Variants in KLF11 observed in about 807,000 individuals in gnomAD.
The protein encoded by KLF11 is KLF transcription factor 11, also known as Krueppel-like factor 11.
KLF11 carries 26 observed loss-of-function variants against 29.9 expected under a neutral mutation model. The observed-to-expected ratio is 0.87, with a 90% confidence interval of 0.64 to 1.21. KLF11 has a LOEUF of 1.21. Among genes scored for constraint, KLF11 ranks in the 50% most tolerant of loss-of-function variants. The probability of loss-of-function intolerance (pLI) is 0.00; values close to 1 mark genes in which losing one functional copy is unlikely to be tolerated. For synonymous variants in KLF11, 318 were observed against 257.4 expected (o/e 1.24, Z -2.25); for missense variants, 778 against 665.7 (o/e 1.17, Z -1.86).
Position 10,052,494 on chromosome 2 carries a change from C to T in KLF11, c.1526C>T (p.Pro509Leu), listed in dbSNP as rs1324019718. Residue 509 changes from proline (P) to leucine (L), a missense_variant, in exon 4 of 4, where the codon CCA becomes CTA. Physicochemically the swap from Pro to Leu is moderately conservative, Grantham distance 98. Coordinates refer to ENST00000305883, the MANE Select transcript of KLF11 (RefSeq NM_003597.5). ...CCGGGGAGCCCACTGGTGAGCATGC[C>T]AGCCTCTGCCTGAAAGGTCCATTAG... is the stretch of plus-strand genomic sequence containing the variant. ...ESPGSPLVSM[P>L]ASA The T allele has an allele frequency of 1.9e-6, 3 of 1,613,932 alleles. No homozygotes were observed. Among genetic ancestry groups the T allele is most frequent in the Non-Finnish European group, 2.5e-6 (3 of 1,179,996 alleles).
rs575530833 is a variant in KLF11, at chr2:10,054,688, T to C, written c.*2181T>C. 10 of 152,822 alleles carry C rather than the reference T, an allele frequency of 6.5e-5. No individual in the cohort carries two copies. The highest frequency in any genetic ancestry group is 2.4e-4 in the African/African-American group (10 of 41,594). The allele number at this position is 152,822 out of a possible 1,614,324, so 9.5% of individuals were successfully genotyped here. On this transcript the variant is annotated 3_prime_UTR_variant, in exon 4 of 4. Transcript: ENST00000305883. ...TGCCTGGGCAGTTTTGCTTGATCTT[T>C]TGTGACTTTGAGCCTTTTAAGTAGT... is the stretch of plus-strand genomic sequence containing the variant.
intron 3 of KLF11, among the ~76,000 whole-genome samples, chr2:10,050,663 T>G (rs949977502): frequency 3.9e-5 from 6 of 151,910 alleles, no homozygotes; most frequent in Non-Finnish European, 7.4e-5. Context: ...GAGCCGAGAT[T>G]ACGCCACTGC....
intron 1 of KLF11, 94 bp from the exon 2 acceptor site, chr2:10,046,056 C>G: frequency 7.0e-7 from 1 of 1,420,068 alleles, no homozygotes; most frequent in Non-Finnish European, 9.9e-7. Flanking sequence ...TACATGCCTA[C>G]TGTAGGCTTC....
chr2:10,046,878 A>AC lies in KLF11; in HGVS notation c.312+459_312+460insC, dbSNP rs1318198796. On this transcript the variant is annotated intron_variant, in intron 2 of 3. Coordinates refer to ENST00000305883, the MANE Select transcript of KLF11 (RefSeq NM_003597.5). ...TCTCAAAAAAAAATAAAAGAACAAA[A>AC]AAAGAAACTTTTCTTTCATTTCTGA... is the stretch of plus-strand genomic sequence containing the variant. Among the ~76,000 whole-genome samples, 6 of 152,302 alleles carry AC rather than the reference A, an allele frequency of 3.9e-5. No individual in the cohort carries two copies. The East Asian group carries it at 1.2e-3, about 29-fold the overall frequency.
Position 10,048,456 on chromosome 2 carries a change from AG to A in KLF11, c.1120del (p.Val374CysfsTer13). The A allele has an allele frequency of 6.2e-7, 1 of 1,614,112 alleles. No individual in the cohort carries two copies. The highest frequency in any genetic ancestry group is 8.5e-7 in the Non-Finnish European group (1 of 1,180,030). ...AGTTGTTGCCCCTTGCCCCTGCTCC[AG>A]TGTTCATCACCTCTAGCCAAAACTG... ...TKLLPLAPAP[V>X]FITSSQNCVP... is the part of the protein sequence containing the mutation. On this transcript the variant is annotated frameshift_variant, in exon 3 of 4. Transcript: ENST00000305883. LOFTEE classifies it high-confidence loss of function.
rs1661294296 is a variant in KLF11 at position 10,048,317 on chromosome 2, C to T, written c.980C>T (p.Pro327Leu). Residue 327 changes from proline (P) to leucine (L), a missense_variant, in exon 3 of 4, where the codon CCT becomes CTT. Physicochemically the swap from Pro to Leu is moderately conservative, Grantham distance 98 (BLOSUM62 -3). Coordinates refer to ENST00000305883, the MANE Select transcript of KLF11 (RefSeq NM_003597.5). ...ILAQAAPAPQ[P>L]VFVGPAVPQG... ...GCTCAGGCTGCTCCAGCGCCTCAAC[C>T]TGTGTTCGTGGGACCTGCTGTGCCT... The T allele has an allele frequency of 6.2e-7, 1 of 1,600,850 alleles. No homozygotes were observed. Among genetic ancestry groups the T allele is most frequent in the South Asian group, 1.1e-5 (1 of 89,276 alleles).
At chr2:10,043,942 G>T (rs1661080491) in intron 1 of KLF11, 184 bp downstream of exon 1, 5 of 992,582 alleles carry the variant, frequency 5.0e-6, no homozygotes, top group Non-Finnish European at 4.8e-6. Flanking sequence ...CGACGGGCGC[G>T]CCCGGGTCGG....
intron 3 of KLF11, among the ~76,000 whole-genome samples, chr2:10,049,996 A>G (rs944099160): frequency 1.6e-5 from 2 of 127,000 alleles, no homozygotes; most frequent in Admixed American, 7.9e-5. Flanking sequence ...ACAGCTTCCA[A>G]ATGTTGGAGG....
At chr2:10,050,866 A>G (rs1214160090) in intron 3 of KLF11, among the ~76,000 whole-genome samples, 1 of 141,102 alleles carries the variant, frequency 7.1e-6, no homozygotes, top group Non-Finnish European at 1.5e-5. Flanking sequence ...TTTAAATTGG[A>G]GTAAGGTAGA....
Position 10,052,710 on chromosome 2 carries a change from GT to G in KLF11, c.*210del, listed in dbSNP as rs1162318585. 6 of 434,622 alleles carry G rather than the reference GT, an allele frequency of 1.4e-5. No homozygotes were observed. The highest frequency in any genetic ancestry group is 1.2e-4 in the African/African-American group (5 of 41,222). The allele number at this position is 434,622 out of a possible 1,614,324, so 26.9% of individuals were successfully genotyped here. On this transcript the variant is annotated 3_prime_UTR_variant, in exon 4 of 4. Coordinates refer to ENST00000305883, the MANE Select transcript of KLF11 (RefSeq NM_003597.5). ...TTCAGTATCTTTTGTAGTTTCAGAAGTTTTTTTGTTTTGGTTTTTTTTTTAA... is the reference window on the plus strand; with the variant it reads ...TTCAGTATCTTTTGTAGTTTCAGAAGTTTTTTGTTTTGGTTTTTTTTTTAA...
At chr2:10,044,089 G>A (rs1171157586) in intron 1 of KLF11, 10 of 706,816 alleles carry the variant, frequency 1.4e-5, no homozygotes, top group Non-Finnish European at 1.7e-5. Context: ...TTGGGCGGGG[G>A]AGCGGCTGGC....
At chr2:10,046,469 C>T (rs142737059) in intron 2 of KLF11, 50 bp downstream of exon 2, 26 of 1,590,558 alleles carry the variant, frequency 1.6e-5, no homozygotes, top group Admixed American at 3.3e-5. Context: ...ACTAGAGTAG[C>T]TGAACTCAGT....
intron 2 of KLF11, among the ~76,000 whole-genome samples, chr2:10,047,090 G>C (rs1325114102): frequency 3.3e-5 from 5 of 152,188 alleles, no homozygotes; most frequent in Admixed American, 2.0e-4. Flanking sequence ...CATGTACTTT[G>C]ACATCAGATT....
intron 1 of KLF11, among the ~76,000 whole-genome samples, chr2:10,045,197 G>A (rs1169014008): frequency 6.6e-6 from 1 of 151,918 alleles, no homozygotes; most frequent in African/African-American, 2.4e-5. Context: ...AGGTCAAGGC[G>A]GGTGGATCGC....
chr2:10,048,392 C>T lies in KLF11; in HGVS notation c.1055C>T (p.Ala352Val). The T allele has an allele frequency of 6.2e-7, 1 of 1,613,562 alleles. No individual in the cohort carries two copies. Among genetic ancestry groups the T allele is most frequent in the East Asian group, 2.2e-5 (1 of 44,872 alleles). The change falls in exon 3 of 4, where the codon GCC becomes GTC. Residue 352 changes from alanine (A) to valine (V), a missense_variant. Transcript: ENST00000305883. ...VLPQGALPPP[A>V]PCAANVMAAG... Reference sequence around the variant, plus strand: ...CCCCAGGGAGCCCTCCCTCCGCCTGCCCCCTGTGCAGCCAATGTCATGGCT... The same window carrying T: ...CCCCAGGGAGCCCTCCCTCCGCCTGTCCCCTGTGCAGCCAATGTCATGGCT...
At position 10,052,724 on chromosome 2, in the gene KLF11, G is replaced by GTTT. The variant is rs34206941; in HGVS notation, c.*225_*227dup. On this transcript the variant is annotated 3_prime_UTR_variant, in exon 4 of 4. Transcript: ENST00000305883. ...TAGTTTCAGAAGTTTTTTTGTTTTGGTTTTTTTTTTAAAGAAATGGTAGAA... is the reference window on the plus strand; with the variant it reads ...TAGTTTCAGAAGTTTTTTTGTTTTGGTTTTTTTTTTTTTAAAGAAATGGTAGAA... 15,454 of 424,472 alleles carry GTTT rather than the reference G, an allele frequency of 0.036. No individual in the cohort carries two copies. Among genetic ancestry groups the GTTT allele is most frequent in the East Asian group, 0.077 (1,959 of 25,422 alleles). The allele number at this position is 424,472 out of a possible 1,614,324, so 26.3% of individuals were successfully genotyped here. A position where few individuals can be genotyped will look rare whatever the true frequency, so the allele number is the denominator to read the frequency against.
intron 1 of KLF11, chr2:10,044,071 GA>G (rs1661095428): frequency 2.8e-6 from 2 of 714,086 alleles, no homozygotes; most frequent in African/African-American, 3.9e-5. Flanking sequence ...CTGTGAGCCG[GA>G]CGGCCGTTGG....
chr2:10,045,828 T>G (rs373784080), intron 1 of KLF11, among the ~76,000 whole-genome samples: 10 of 152,356 alleles, frequency 6.6e-5, no homozygotes, highest in Admixed American at 3.9e-4. Context: ...CCCAGCCACT[T>G]TTTGGCTTGA....
Position 10,043,582 on chromosome 2 carries a change from G to A in KLF11, c.-135G>A. The A allele has an allele frequency of 2.1e-6, 1 of 465,380 alleles. No homozygotes were observed. Among genetic ancestry groups the A allele is most frequent in the Non-Finnish European group, 2.8e-6 (1 of 358,016 alleles). 28.8% of individuals were successfully genotyped at this position (465,380 alleles called of 1,614,324 possible). On this transcript the variant is annotated 5_prime_UTR_variant, in exon 1 of 4. Coordinates refer to ENST00000305883, the MANE Select transcript of KLF11 (RefSeq NM_003597.5). ...GGGCCGCGCCGGGGCAGAGCCGCGC[G>A]GGCGGGCGAGGCGCGTGCCGGCCGC...
Sources: gnomAD v4.1 joint callset for allele counts (sites outside exome capture counted in the v4.1 genomes callset) on GRCh38, gnomAD v4.1.1 for gene constraint, MANE v1.5 for transcripts, NCBI Gene and HGNC (gene_info 2026-07-23, HGNC 2026-07-21) for gene names.